CNST: variants seen among roughly 807,000 people sequenced by gnomAD.
CNST encodes consortin.
CNST carries 39 observed loss-of-function variants against 72.4 expected under a neutral mutation model. That is an observed-to-expected ratio of 0.54 (90% confidence interval 0.42 to 0.70). The LOEUF (loss-of-function observed/expected upper bound fraction) is 0.70. Among genes scored for constraint, CNST ranks in the 30% least tolerant of loss-of-function variants. CNST has a pLI of 0.00. For missense variants in CNST, 871 were observed against 868.5 expected (o/e 1.00, Z -0.04); for synonymous variants, 332 against 320.1 (o/e 1.04, Z -0.40).
At chr1:246,606,187 G>A (rs1166054935) in intron 2 of CNST, 2 of 152,230 alleles carry the variant, frequency 1.3e-5, no homozygotes, top group African/African-American at 4.8e-5. Context: ...GTTAACTGTA[G>A]TTTCAACAAG....
At chr1:246,607,210 G>C (rs1662915035) in intron 2 of CNST, 1 of 151,788 alleles carries the variant, frequency 6.6e-6, no homozygotes, top group Non-Finnish European at 1.5e-5. Flanking sequence ...GTCGACGGGC[G>C]TTCCTGAGAA....
intron 3 of CNST, 74 bp downstream of exon 3, chr1:246,621,708 G>C (rs1160624878): frequency 7.5e-7 from 1 of 1,326,304 alleles, no homozygotes; most frequent in Non-Finnish European, 1.1e-6. Flanking sequence ...CTAAAATGCT[G>C]TCTTGGCTGG....
At chr1:246,582,283 G>A (rs1660835518) in intron 1 of CNST, among the ~76,000 whole-genome samples, 3 of 152,068 alleles carry the variant, frequency 2.0e-5, no homozygotes, top group African/African-American at 7.2e-5. Context: ...ACCTGTACCT[G>A]GAGGTGGGTT....
intron 1 of CNST, among the ~76,000 whole-genome samples, chr1:246,576,136 G>GC (rs1660394728): frequency 6.9e-6 from 1 of 144,802 alleles, no homozygotes; most frequent in Admixed American, 7.0e-5. Context: ...TCTGGAGGCT[G>GC]AGGCAGGAGA....
chr1:246,641,661 T>C, intron 6 of CNST, 88 bp from the exon 7 acceptor site: 1 of 761,546 alleles, frequency 1.3e-6, no homozygotes, highest in Non-Finnish European at 2.2e-6. Flanking sequence ...AGCTGTATTT[T>C]TTTATAGCCA....
rs193232237 is a variant in CNST at position 246,611,150 on chromosome 1, G to A, written c.380-10279G>A. Among the ~76,000 whole-genome samples the A allele has an allele frequency of 2.6e-5, 4 of 152,288 alleles. No individual in the cohort carries two copies. The South Asian group carries it at 6.2e-4, about 24-fold the overall frequency. On this transcript the variant is annotated intron_variant, in intron 2 of 10. Coordinates refer to ENST00000366513, the MANE Select transcript of CNST (RefSeq NM_152609.3). Reference sequence around the variant, plus strand: ...GCTCCCTTCAAAAGCAAGTACTGGGGTGCCACACTGGGAATGAGGGCTGCT... The same window carrying A: ...GCTCCCTTCAAAAGCAAGTACTGGGATGCCACACTGGGAATGAGGGCTGCT...
chr1:246,660,186 T>A lies in CNST; in HGVS notation c.1837-13T>A, dbSNP rs761812960. 1 of 1,596,992 alleles carries A rather than the reference T, an allele frequency of 6.3e-7. No individual in the cohort carries two copies. Among genetic ancestry groups the A allele is most frequent in the Non-Finnish European group, 8.5e-7 (1 of 1,173,624 alleles). On this transcript the variant is annotated splice_polypyrimidine_tract_variant and intron_variant, in intron 9 of 10. Transcript: ENST00000366513. ...TTAATAAAAGAATTATAGGTTCTTA[T>A]AATTTCTGACAGGTTGTTCCTACTG... is the stretch of plus-strand genomic sequence containing the variant.
In CNST at chr1:246,660,289, A is replaced by G. The variant is rs201671589; in HGVS notation, c.1927A>G (p.Lys643Glu). The change falls in exon 10 of 11, where the codon AAG (lysine) becomes GAG (glutamate). Residue 643 changes from lysine to glutamate, a missense_variant. Coordinates refer to ENST00000366513, the MANE Select transcript of CNST (RefSeq NM_152609.3). The stretch of plus-strand genomic sequence containing the variant: ...TGCCCAAATGCAACACAAACCATCT[A>G]AGCGAAGAGTGAGATTCCAAGAAAT... ...HPAQMQHKPS[K>E]RRVRFQEIDD... The G allele has an allele frequency of 1.9e-6, 3 of 1,614,140 alleles. No individual in the cohort carries two copies. In the Admixed American group the frequency reaches 5.0e-5, roughly 27 times the overall value.
At chr1:246,656,283 A>T (rs1666764517) in intron 9 of CNST, among the ~76,000 whole-genome samples, 1 of 152,240 alleles carries the variant, frequency 6.6e-6, no homozygotes, top group Non-Finnish European at 1.5e-5. Flanking sequence ...TCACTATTCC[A>T]GAAGAGTTGC....
chr1:246,588,938 T>C (rs1165069781), intron 1 of CNST, among the ~76,000 whole-genome samples: 1 of 152,074 alleles, frequency 6.6e-6, no homozygotes, highest in Non-Finnish European at 1.5e-5. Flanking sequence ...AAAATTTAAA[T>C]TTATTAAAAT....
chr1:246,590,357 A>AT (rs1374683797), intron 1 of CNST, among the ~76,000 whole-genome samples: 1 of 152,052 alleles, frequency 6.6e-6, no homozygotes, highest in Non-Finnish European at 1.5e-5. Flanking sequence ...TATTATTATT[A>AT]TTTTTTTAAC....
At chr1:246,603,615 C>A (rs1662459629) in intron 2 of CNST, among the ~76,000 whole-genome samples, 1 of 152,082 alleles carries the variant, frequency 6.6e-6, no homozygotes, top group Admixed American at 6.5e-5. Flanking sequence ...TATATGCATG[C>A]TATTTAGCAA....
At chr1:246,646,050 C>T (rs1666042811) in intron 8 of CNST, among the ~76,000 whole-genome samples, 3 of 151,786 alleles carry the variant, frequency 2.0e-5, no homozygotes, top group African/African-American at 4.8e-5. Context: ...GAGGCCGAGG[C>T]GGGCAGATCA....
intron 1 of CNST, among the ~76,000 whole-genome samples, chr1:246,574,328 A>C (rs1660253774): frequency 6.6e-6 from 1 of 152,238 alleles, no homozygotes. Context: ...GGCGTGAGCC[A>C]CCGCTCCCAG....
chr1:246,634,626 G>T (rs748869659), intron 6 of CNST, 39 bp downstream of exon 6: 1 of 1,060,474 alleles, frequency 9.4e-7, no homozygotes, highest in South Asian at 1.4e-5. Flanking sequence ...AGTTGGAGTA[G>T]AATATTGAAG....
intron 9 of CNST, among the ~76,000 whole-genome samples, chr1:246,658,765 C>T (rs1212852702): frequency 6.6e-6 from 1 of 151,954 alleles, no homozygotes; most frequent in Non-Finnish European, 1.5e-5. Context: ...AAGTCACTGA[C>T]ATCTTCGGTG....
At chr1:246,579,876 T>C (rs560623998) in intron 1 of CNST, among the ~76,000 whole-genome samples, 88 of 152,236 alleles carry the variant, frequency 5.8e-4, no homozygotes, top group Non-Finnish European at 1.1e-3. Context: ...TGGATGACTT[T>C]AGCAGTTTCC....
chr1:246,622,054 T>G (rs1185011786), intron 3 of CNST, among the ~76,000 whole-genome samples: 3 of 152,228 alleles, frequency 2.0e-5, no homozygotes, highest in Non-Finnish European at 4.4e-5. Context: ...TAAAATTGAC[T>G]GTGTCCCACT....
intron 2 of CNST, among the ~76,000 whole-genome samples, chr1:246,605,437 C>T (rs535539873): frequency 3.9e-5 from 6 of 152,320 alleles, no homozygotes; most frequent in African/African-American, 4.8e-5. Flanking sequence ...GTTGGAACCC[C>T]GGGAGCGCGC....
Sources: allele counts gnomAD v4.1 joint callset (sites outside exome capture counted in the v4.1 genomes callset), GRCh38; gene constraint gnomAD v4.1.1; transcripts MANE v1.5; gene names NCBI Gene and HGNC (gene_info 2026-07-23, HGNC 2026-07-21).